SYCP2L: variants seen among roughly 807,000 people sequenced by gnomAD.
The protein encoded by SYCP2L is synaptonemal complex protein 2 like, also known as synaptonemal complex protein 2-like.
In SYCP2L, 98 loss-of-function variants were observed where a neutral mutation model predicts 125.8. The observed-to-expected ratio is 0.78, with a 90% CI of 0.66 to 0.92. The LOEUF is 0.92. SYCP2L is among the 40% of genes least tolerant of loss of function. The probability of loss-of-function intolerance (pLI) is 0.00; values close to 1 mark genes in which losing one functional copy is unlikely to be tolerated. For missense variants in SYCP2L, 842 were observed against 936.4 expected, an observed-to-expected ratio of 0.90 and a Z score of 1.32; for synonymous variants, 317 against 325.4, an observed-to-expected ratio of 0.97 and a Z score of 0.28.
intron 15 of SYCP2L, among the ~76,000 whole-genome samples, chr6:10,925,837 C>T (rs1218520959): frequency 2.0e-5 from 3 of 152,142 alleles, no homozygotes; most frequent in Non-Finnish European, 4.4e-5. Context: ...TGCCTTAACT[C>T]ACAAAAACAT....
chr6:10,887,436 A>G (rs1780093283), intron 1 of SYCP2L, among the ~76,000 whole-genome samples: 1 of 152,174 alleles, frequency 6.6e-6, no homozygotes, highest in Non-Finnish European at 1.5e-5. Context: ...GTATTTTCCT[A>G]GCCGGTTTTC....
chr6:10,933,285 C>T (rs1434426635), intron 20 of SYCP2L, among the ~76,000 whole-genome samples: 2 of 152,256 alleles, frequency 1.3e-5, no homozygotes, highest in African/African-American at 2.4e-5. Flanking sequence ...CAACTACTCA[C>T]CTCTGCCTTT....
chr6:10,905,643 C>G (rs752722185), intron 8 of SYCP2L, among the ~76,000 whole-genome samples: 1 of 152,186 alleles, frequency 6.6e-6, no homozygotes, highest in African/African-American at 2.4e-5. Context: ...GAATCACTGT[C>G]GTATCATTTC....
At chr6:10,973,124 A>G (rs1461826652) in intron 29 of SYCP2L, among the ~76,000 whole-genome samples, 2 of 152,260 alleles carry the variant, frequency 1.3e-5, no homozygotes, top group African/African-American at 2.4e-5. Context: ...TATATCGCTC[A>G]GGTGATTCTG....
chr6:10,920,336 G>A (rs1780773070), intron 14 of SYCP2L, among the ~76,000 whole-genome samples: 1 of 152,148 alleles, frequency 6.6e-6, no homozygotes, highest in African/African-American at 2.4e-5. Context: ...TCCTGCCTCA[G>A]CCTCCTGAGT....
intron 4 of SYCP2L, among the ~76,000 whole-genome samples, chr6:10,894,733 C>T (rs943788995): frequency 1.3e-5 from 2 of 152,162 alleles, no homozygotes; most frequent in African/African-American, 2.4e-5. Flanking sequence ...GATAACATGG[C>T]GAGTGCCTTT....
At position 10,907,519 on chromosome 6, in the gene SYCP2L, TCTA is replaced by T; in HGVS notation, c.677-19_677-17del. The T allele has an allele frequency of 6.3e-7, 1 of 1,596,484 alleles. No homozygotes were observed. On this transcript the variant is annotated intron_variant, in intron 9 of 29. Coordinates refer to ENST00000283141, the MANE Select transcript of SYCP2L (RefSeq NM_001040274.3). ...TGCTTTGTGCCCAGAATTATCTATG[TCTA>T]CTATGTTTTTAATCTCTAGATTATG...
At chr6:10,938,241 C>G (rs1781138091) in intron 21 of SYCP2L, among the ~76,000 whole-genome samples, 2 of 152,108 alleles carry the variant, frequency 1.3e-5, no homozygotes, top group South Asian at 2.1e-4. Context: ...CCCTGAGATT[C>G]AAGGAAGTTT....
At chr6:10,939,676 A>G (rs1781178091) in intron 21 of SYCP2L, among the ~76,000 whole-genome samples, 1 of 152,230 alleles carries the variant, frequency 6.6e-6, no homozygotes, top group African/African-American at 2.4e-5. Flanking sequence ...TCCACATACT[A>G]AACAATGAAA....
At chr6:10,924,809 C>T (rs1002167519) in intron 15 of SYCP2L, among the ~76,000 whole-genome samples, 168 bp downstream of exon 15, 1 of 152,188 alleles carries the variant, frequency 6.6e-6, no homozygotes, top group Non-Finnish European at 1.5e-5. Flanking sequence ...TCCCAGTTTT[C>T]CCTTTTGATG....
Position 10,931,483 on chromosome 6 carries a change from A to G in SYCP2L, c.1677A>G (p.Lys559=), listed in dbSNP as rs1780995400. 1.2e-6 allele frequency: 2 copies of G among 1,614,146 alleles called. No homozygotes were observed. Among genetic ancestry groups the G allele is most frequent in the South Asian group, 1.1e-5 (1 of 91,062 alleles). The change falls in exon 20 of 30, where the codon AAA becomes AAG. Residue 559 remains lysine (K), a synonymous_variant. Transcript: ENST00000283141. The part of the protein sequence containing the change: ...FPPSSGSGHE[K]DQAKLLSPSE... ...CCAGTAGTGGCAGTGGCCATGAGAA[A>G]GACCAAGTAAGTACATTGTATCTGG...
Position 10,937,348 on chromosome 6 carries a change from T to C in SYCP2L, c.1813+2161T>C, listed in dbSNP as rs374437169. Among the ~76,000 whole-genome samples the C allele has an allele frequency of 1.1e-4, 16 of 151,970 alleles. No homozygotes were observed. The East Asian group carries it at 2.5e-3, about 24-fold the overall frequency. On this transcript the variant is annotated intron_variant, in intron 21 of 29. Transcript: ENST00000283141. Reference sequence around the variant, plus strand: ...AAACAACACACTCCCGAATAACCAATGGATCAAATAAATTAAAAGGGAAAT... The same window carrying C: ...AAACAACACACTCCCGAATAACCAACGGATCAAATAAATTAAAAGGGAAAT...
At chr6:10,958,421 G>A (rs999972954) in intron 25 of SYCP2L, among the ~76,000 whole-genome samples, 6 of 152,058 alleles carry the variant, frequency 3.9e-5, no homozygotes, top group East Asian at 1.9e-4. Context: ...GTCATGACTC[G>A]CTGTTGTGAG....
Position 10,912,403 on chromosome 6 carries a change from G to T in SYCP2L, c.919-270G>T, listed in dbSNP as rs755752448. On this transcript the variant is annotated intron_variant, in intron 12 of 29. Coordinates refer to ENST00000283141, the MANE Select transcript of SYCP2L (RefSeq NM_001040274.3). This position sits in a 1 kb window ranked among gnomAD's most constrained non-coding sequence, Gnocchi z 4.1. The stretch of plus-strand genomic sequence containing the variant: ...CGTGATTTTCATTAGAAAAAAAATT[G>T]TGTGGATAGAATAATGTGACACATT... 4.6e-5 allele frequency among the ~76,000 whole-genome samples: 7 copies of T among 152,130 alleles called. No individual in the cohort carries two copies. Among genetic ancestry groups the T allele is most frequent in the Non-Finnish European group, 7.4e-5 (5 of 68,020 alleles).
At chr6:10,932,116 A>T (rs1781007615) in intron 20 of SYCP2L, among the ~76,000 whole-genome samples, 1 of 151,390 alleles carries the variant, frequency 6.6e-6, no homozygotes. Context: ...TTTGATGTAA[A>T]CTTGTTGGTT....
At chr6:10,935,232 G>A in intron 21 of SYCP2L, 45 bp downstream of exon 21, 1 of 1,590,818 alleles carries the variant, frequency 6.3e-7, no homozygotes, top group Non-Finnish European at 8.6e-7. Context: ...ATTTGTATTT[G>A]GGAAAGGTAG....
At chr6:10,905,975 C>T (rs758039839) in intron 8 of SYCP2L, 45 bp from the exon 9 acceptor site, 2 of 1,394,924 alleles carry the variant, frequency 1.4e-6, no homozygotes, top group South Asian at 1.3e-5. Flanking sequence ...AGTTTTACCT[C>T]TTGATGTTCA....
At chr6:10,893,351 A>G (rs1780207311) in intron 2 of SYCP2L, among the ~76,000 whole-genome samples, 1 of 152,218 alleles carries the variant, frequency 6.6e-6, no homozygotes. Flanking sequence ...GGCAGAAAAG[A>G]TGAATTTCAT....
Position 10,898,126 on chromosome 6 carries a change from G to A in SYCP2L, c.441+11G>A, listed in dbSNP as rs1363327669. On this transcript the variant is annotated intron_variant, in intron 5 of 29. Coordinates refer to ENST00000283141, the MANE Select transcript of SYCP2L (RefSeq NM_001040274.3). ...TTTGACACTGCATTGGTAAGGATGG[G>A]ATGGATGCTTCACTGAGCAGATGCC... is the stretch of plus-strand genomic sequence containing the variant. 6.3e-7 allele frequency: 1 copy of A among 1,583,208 alleles called. No individual in the cohort carries two copies. The highest frequency in any genetic ancestry group is 1.7e-5 in the Admixed American group (1 of 59,950).
Sources: gnomAD v4.1 joint callset for allele counts (sites outside exome capture counted in the v4.1 genomes callset) on GRCh38, gnomAD v4.1.1 for gene constraint, Gnocchi (gnomAD v3.1) non-coding constraint, MANE v1.5 for transcripts, NCBI Gene and HGNC (gene_info 2026-07-23, HGNC 2026-07-21) for gene names.